The following LRP1B variants were observed in gnomAD, a reference collection of about 807,000 sequenced individuals.
The protein encoded by LRP1B is LDL receptor related protein 1B.
A neutral mutation model predicts 556.6 loss-of-function variants in LRP1B; 217 were observed. The ratio of observed to expected loss-of-function variants is 0.39; its 90% CI spans 0.35 to 0.44. LRP1B has a LOEUF of 0.44. LRP1B is among the 20% of genes least tolerant of loss of function. The pLI, the probability that LRP1B is intolerant of heterozygous loss-of-function variation, is 1.00. For synonymous variants in LRP1B, 2,047 were observed against 1,865.8 expected (o/e 1.10, Z -2.50); for missense variants, 5,053 against 5,620.8 (o/e 0.90, Z 3.23).
chr2:140,933,487 T>C (rs1211203793), intron 20 of LRP1B, among the ~76,000 whole-genome samples: 1 of 152,060 alleles, frequency 6.6e-6, no homozygotes, highest in East Asian at 1.9e-4. Context: ...AACTTGAGAA[T>C]AGGGAACCAG....
In LRP1B at chr2:141,247,211, A is replaced by G. The variant is rs758078967; in HGVS notation, c.592+15T>C. 1.2e-6 allele frequency: 2 copies of G among 1,612,916 alleles called. No individual in the cohort carries two copies. The highest frequency in any genetic ancestry group is 8.5e-7 in the Non-Finnish European group (1 of 1,179,496). On this transcript the variant is annotated intron_variant, in intron 5 of 90. Coordinates refer to ENST00000389484, the MANE Select transcript of LRP1B (RefSeq NM_018557.3). ...GTAATTCTGGAAAGACAAAAAATAA[A>G]TGGTCATAACTTACCAATTTTAGCC...
chr2:140,712,479 G>A (rs984972671), intron 37 of LRP1B, among the ~76,000 whole-genome samples: 4 of 151,716 alleles, frequency 2.6e-5, no homozygotes, highest in Non-Finnish European at 5.9e-5. Context: ...TTTCTCCCTT[G>A]TCAAGGCTCC....
intron 52 of LRP1B, 86 bp from the exon 53 acceptor site, chr2:140,507,004 C>G (rs2104908315): frequency 7.4e-7 from 1 of 1,357,304 alleles, no homozygotes; most frequent in South Asian, 1.5e-5. Flanking sequence ...TATATAAAAT[C>G]ATATCCAATA....
intron 9 of LRP1B, among the ~76,000 whole-genome samples, chr2:141,056,373 CT>C (rs1451553991): frequency 1.3e-5 from 2 of 151,842 alleles, no homozygotes; most frequent in East Asian, 3.9e-4. Context: ...AATCAAAAAT[CT>C]TTTAACCCAA....
chr2:142,102,427 C>T (rs926973937), intron 1 of LRP1B, among the ~76,000 whole-genome samples: 2 of 151,246 alleles, frequency 1.3e-5, no homozygotes, highest in African/African-American at 4.9e-5. Context: ...CCTTTGGAGA[C>T]AAATGTCAGG....
intron 3 of LRP1B, among the ~76,000 whole-genome samples, chr2:141,295,765 A>ACACACACACACACACACACC: frequency 6.7e-6 from 1 of 150,346 alleles, no homozygotes; most frequent in Non-Finnish European, 1.5e-5. Flanking sequence ...ACACACACAC[A>ACACACACACACACACACACC]CACACACACA....
chr2:141,384,503 T>G (rs55954502), intron 3 of LRP1B, among the ~76,000 whole-genome samples: 84,030 of 151,962 alleles, frequency 0.55, 25,182 homozygotes, highest in Non-Finnish European at 0.68. Context: ...AACAGCTACG[T>G]AGTGTGGGAA....
At chr2:141,636,368 TGAAAA>T (rs1416828523) in intron 2 of LRP1B, among the ~76,000 whole-genome samples, 1 of 151,908 alleles carries the variant, frequency 6.6e-6, no homozygotes, top group East Asian at 1.9e-4. Flanking sequence ...CAAAAACAAA[TGAAAA>T]GAACTCAACC....
At chr2:140,320,830 G>A (rs139264057) in intron 82 of LRP1B, among the ~76,000 whole-genome samples, 6,126 of 152,094 alleles carry the variant, frequency 0.04, 139 homozygotes, top group South Asian at 0.083. Context: ...ATCACCTGAG[G>A]TCAGGAGTTC....
At chr2:141,752,943 C>CAAAAAAAAAA (rs1406424286) in intron 2 of LRP1B, among the ~76,000 whole-genome samples, 1 of 988 alleles carries the variant, frequency 1.0e-3, no homozygotes, top group African/African-American at 3.0e-3. Flanking sequence ...GACCCTGTCT[C>CAAAAAAAAAA]AGAAAAAAAA....
intron 2 of LRP1B, among the ~76,000 whole-genome samples, chr2:141,555,139 C>G (rs1685915433): frequency 6.6e-6 from 1 of 151,938 alleles, no homozygotes; most frequent in Admixed American, 6.6e-5. Flanking sequence ...TATACACATA[C>G]AGATGCACAC....
chr2:141,720,891 T>G (rs1171598875), intron 2 of LRP1B, among the ~76,000 whole-genome samples: 1 of 152,186 alleles, frequency 6.6e-6, no homozygotes, highest in Admixed American at 6.5e-5. Flanking sequence ...GCATTTCTAC[T>G]GGTTGGTAAT....
chr2:141,556,162 C>A (rs1285765644), intron 2 of LRP1B, among the ~76,000 whole-genome samples: 1 of 151,786 alleles, frequency 6.6e-6, no homozygotes, highest in Non-Finnish European at 1.5e-5. Flanking sequence ...GGGACTACCA[C>A]AAATAGGTTT....
In LRP1B at chr2:141,211,312, A is replaced by C. The variant is rs532908503; in HGVS notation, c.850+17871T>G. On this transcript the variant is annotated intron_variant, in intron 6 of 90. Coordinates refer to ENST00000389484, the MANE Select transcript of LRP1B (RefSeq NM_018557.3). ...CCATTTTTCTTTTTTTTTAAAAAAAAAAAACAAAACAAAAACTAAGCATTC... is the reference window on the plus strand; with the variant it reads ...CCATTTTTCTTTTTTTTTAAAAAAACAAAACAAAACAAAAACTAAGCATTC... Among the ~76,000 whole-genome samples, 289 of 151,614 alleles carry C rather than the reference A, an allele frequency of 1.9e-3. 3 individuals carry two copies. Among genetic ancestry groups the C allele is most frequent in the Non-Finnish European group, 3.2e-3 (216 of 67,868 alleles).
intron 49 of LRP1B, among the ~76,000 whole-genome samples, chr2:140,519,865 C>G (rs1026213317): frequency 3.3e-5 from 5 of 152,156 alleles, no homozygotes; most frequent in African/African-American, 1.2e-4. Flanking sequence ...GAAAAAAATG[C>G]TCATCATCCA....
chr2:140,576,512 C>T (rs1681532002), intron 43 of LRP1B, among the ~76,000 whole-genome samples: 1 of 152,130 alleles, frequency 6.6e-6, no homozygotes, highest in African/African-American at 2.4e-5. Context: ...CCGGAAGATA[C>T]AAGACCATCG....
Position 140,442,483 on chromosome 2 carries a change from C to T in LRP1B, c.10414+21G>A, listed in dbSNP as rs1291226785. On this transcript the variant is annotated intron_variant, in intron 66 of 90. Transcript: ENST00000389484. ...ATGACTCAAATACGGAGAGATAAGA[C>T]CCAGAGTCACAGACACTCACCGCAG... 16 of 1,605,230 alleles carry T rather than the reference C, an allele frequency of 1.0e-5. No homozygotes were observed. In the South Asian group the frequency reaches 1.8e-4, roughly 18 times the overall value.
At chr2:140,851,107 C>CA (rs1280283994) in intron 28 of LRP1B, among the ~76,000 whole-genome samples, 4 of 151,922 alleles carry the variant, frequency 2.6e-5, no homozygotes, top group African/African-American at 7.2e-5. Flanking sequence ...TAATAGAAAG[C>CA]AAAAAATTTT....
intron 1 of LRP1B, among the ~76,000 whole-genome samples, chr2:141,979,755 T>C (rs1014265160): frequency 6.6e-6 from 1 of 152,110 alleles, no homozygotes; most frequent in Non-Finnish European, 1.5e-5. Context: ...AAAGTATAGT[T>C]ATTAGGATAA....
Sources: gnomAD v4.1 joint callset for allele counts (sites outside exome capture counted in the v4.1 genomes callset) on GRCh38, gnomAD v4.1.1 for gene constraint, MANE v1.5 for transcripts, NCBI Gene and HGNC (gene_info 2026-07-23, HGNC 2026-07-21) for gene names.